The following SUSD4 variants were observed in gnomAD, a reference collection of about 807,000 sequenced individuals.
The protein encoded by SUSD4 is sushi domain-containing protein 4.
In SUSD4, 41 loss-of-function variants were observed where a neutral mutation model predicts 50.5. The observed-to-expected ratio is 0.81, with a 90% CI of 0.63 to 1.05. The LOEUF is 1.05. SUSD4 is among the 50% of genes least tolerant of loss of function. The probability of loss-of-function intolerance (pLI) is 0.00; values close to 1 mark genes in which losing one functional copy is unlikely to be tolerated. For missense variants in SUSD4, 580 were observed against 634.7 expected (o/e 0.91, Z 0.93); for synonymous variants, 257 against 257.3 (o/e 1.00, Z 0.01).
chr1:223,325,235 C>A (rs1666804567), intron 2 of SUSD4, among the ~76,000 whole-genome samples: 1 of 151,996 alleles, frequency 6.6e-6, no homozygotes, highest in Admixed American at 6.6e-5. Context: ...AAAAAATAAC[C>A]CCAAGCAAAT....
At chr1:223,335,441 T>C (rs977598034) in intron 2 of SUSD4, among the ~76,000 whole-genome samples, 1 of 107,476 alleles carries the variant, frequency 9.3e-6, no homozygotes, top group African/African-American at 3.8e-5. Context: ...AACAGCCAAA[T>C]CTTAAAATAT....
chr1:223,233,390 T>C (rs1404399829), intron 5 of SUSD4, among the ~76,000 whole-genome samples: 1 of 152,124 alleles, frequency 6.6e-6, no homozygotes, highest in East Asian at 1.9e-4. Flanking sequence ...AATTATAAAC[T>C]TAGGGAGGCT....
chr1:223,311,778 T>C (rs905538692), intron 2 of SUSD4, among the ~76,000 whole-genome samples: 3 of 152,230 alleles, frequency 2.0e-5, no homozygotes, highest in Admixed American at 2.0e-4. Flanking sequence ...AAATGCAGAC[T>C]GTACTATCAT....
intron 2 of SUSD4, among the ~76,000 whole-genome samples, chr1:223,335,322 A>G (rs920544193): frequency 1.3e-5 from 2 of 152,186 alleles, no homozygotes; most frequent in Non-Finnish European, 2.9e-5. Context: ...TGGTTGTACT[A>G]GTTTACATTC....
chr1:223,258,236 A>G (rs370347677), intron 5 of SUSD4, among the ~76,000 whole-genome samples: 4 of 152,226 alleles, frequency 2.6e-5, no homozygotes, highest in African/African-American at 9.6e-5. Flanking sequence ...GGAACAAAGT[A>G]CACTGCAAAT....
chr1:223,268,862 C>A (rs570818350), intron 3 of SUSD4, among the ~76,000 whole-genome samples, 187 bp from the exon 4 acceptor site: 1 of 152,062 alleles, frequency 6.6e-6, no homozygotes, highest in African/African-American at 2.4e-5. Context: ...ACGGGAGTAA[C>A]GAGAAGGTGG....
intron 5 of SUSD4, among the ~76,000 whole-genome samples, chr1:223,256,112 G>A (rs1418293622): frequency 6.6e-6 from 1 of 152,226 alleles, no homozygotes; most frequent in Non-Finnish European, 1.5e-5. Flanking sequence ...ATTGTATACA[G>A]TGTAGCTTGG....
chr1:223,355,953 C>T (rs567612476), intron 2 of SUSD4, among the ~76,000 whole-genome samples: 12 of 152,278 alleles, frequency 7.9e-5, no homozygotes, highest in African/African-American at 2.4e-4. Context: ...TGTCTGCCTG[C>T]AGGCCCTGAC....
chr1:223,287,798 TA>T (rs1375385761), intron 3 of SUSD4, among the ~76,000 whole-genome samples: 1 of 152,058 alleles, frequency 6.6e-6, no homozygotes, highest in Non-Finnish European at 1.5e-5. Context: ...AATGGTTAAA[TA>T]AAAAGAGAAA....
Position 223,227,576 on chromosome 1 carries a change from C to G in SUSD4, c.1061+18G>C. Reference sequence around the variant, plus strand: ...TGAGTCAGACCTTGAGCCACAGCTGCCAAGACATGACACTGACCTGGGGGG... The same window carrying G: ...TGAGTCAGACCTTGAGCCACAGCTGGCAAGACATGACACTGACCTGGGGGG... On this transcript the variant is annotated intron_variant, in intron 7 of 8. Transcript: ENST00000366878. This position sits in a 1 kb window ranked among gnomAD's most constrained non-coding sequence, Gnocchi z 4.5. The G allele has an allele frequency of 6.2e-7, 1 of 1,610,666 alleles. No homozygotes were observed.
In SUSD4 at chr1:223,292,649, A is replaced by C; in HGVS notation, c.151T>G (p.Phe51Val). The C allele has an allele frequency of 6.2e-7, 1 of 1,613,598 alleles. No homozygotes were observed. Among genetic ancestry groups the C allele is most frequent in the Non-Finnish European group, 8.5e-7 (1 of 1,179,792 alleles). Residue 51 changes from phenylalanine to valine, a missense_variant and splice_region_variant, in exon 3 of 9, where the codon TTC becomes GTC. Physicochemically the swap from Phe to Val is conservative, Grantham distance 50. Transcript: ENST00000366878. ...CFGPAQLTGG[F>V]DDLQVCADPG... ...TCAGCACACACTTGAAGGTCATCGA[A>C]CCCTACATCAACAAAGAGAGGAAAA...
At chr1:223,365,064 A>G (rs1407775495), upstream of SUSD4, among the ~76,000 whole-genome samples, 2 of 151,844 alleles carry the variant, frequency 1.3e-5, no homozygotes, top group Non-Finnish European at 2.9e-5. Context: ...AGGCGGGGGT[A>G]GCGGGTGATT....
At chr1:223,329,604 A>C (rs1667064255) in intron 2 of SUSD4, among the ~76,000 whole-genome samples, 1 of 152,210 alleles carries the variant, frequency 6.6e-6, no homozygotes, top group Non-Finnish European at 1.5e-5. Context: ...GCATCCCTAA[A>C]GTTCTTACTT....
chr1:223,319,135 C>A (rs111781886), intron 2 of SUSD4, among the ~76,000 whole-genome samples: 6 of 55,818 alleles, frequency 1.1e-4, no homozygotes, highest in African/African-American at 4.3e-4. Flanking sequence ...CTTCCTTACA[C>A]CTTATACAAA....
At chr1:223,283,059 C>T (rs1215309585) in intron 3 of SUSD4, among the ~76,000 whole-genome samples, 1 of 152,178 alleles carries the variant, frequency 6.6e-6, no homozygotes, top group Non-Finnish European at 1.5e-5. Flanking sequence ...TCCTTCCTTA[C>T]ACCTTATATG....
intron 5 of SUSD4, among the ~76,000 whole-genome samples, chr1:223,246,490 G>T (rs1193873592): frequency 6.6e-6 from 1 of 150,612 alleles, no homozygotes; most frequent in Admixed American, 6.7e-5. Context: ...CAGAGCTCTT[G>T]ATCTTGTTAA....
Position 223,227,792 on chromosome 1 carries a change from C to A in SUSD4, c.917-54G>T. The A allele has an allele frequency of 6.5e-7, 1 of 1,542,048 alleles. No homozygotes were observed. Among genetic ancestry groups the A allele is most frequent in the South Asian group, 1.2e-5 (1 of 83,154 alleles). ...GAGGCTCCCAGACCATGAGAGGTGC[C>A]GAGGTTCCCCGTGGGCTCATTTGCT... On this transcript the variant is annotated intron_variant, in intron 6 of 8. Coordinates refer to ENST00000366878, the MANE Select transcript of SUSD4 (RefSeq NM_017982.4). The surrounding 1 kb of genome is among the most constrained non-coding windows in gnomAD (Gnocchi z 4.5).
chr1:223,328,836 T>A (rs1237154105), intron 2 of SUSD4, among the ~76,000 whole-genome samples: 1 of 152,190 alleles, frequency 6.6e-6, no homozygotes, highest in East Asian at 1.9e-4. Flanking sequence ...GGGTTAAATT[T>A]GGCTCCCTAG....
intron 2 of SUSD4, among the ~76,000 whole-genome samples, chr1:223,334,503 T>C (rs1246655867): frequency 6.6e-6 from 1 of 152,094 alleles, no homozygotes; most frequent in East Asian, 1.9e-4. Context: ...AAGGCTATAA[T>C]AAATGAAGAG....
Sources: gnomAD v4.1 joint callset for allele counts (sites outside exome capture counted in the v4.1 genomes callset) on GRCh38, gnomAD v4.1.1 for gene constraint, Gnocchi (gnomAD v3.1) non-coding constraint, MANE v1.5 for transcripts, NCBI Gene and HGNC (gene_info 2026-07-23, HGNC 2026-07-21) for gene names.